UNC13C: variants seen among roughly 807,000 people sequenced by gnomAD.
UNC13C encodes protein unc-13 homolog C.
A neutral mutation model predicts 245.4 loss-of-function variants in UNC13C; 174 were observed. The observed-to-expected ratio is 0.71, with a 90% CI of 0.63 to 0.80. UNC13C has a LOEUF of 0.80. UNC13C is among the 30% of genes least tolerant of loss of function. The probability of loss-of-function intolerance (pLI) is 0.00; values close to 1 mark genes in which losing one functional copy is unlikely to be tolerated. For synonymous variants in UNC13C, 992 were observed against 895.1 expected (o/e 1.11, Z -1.93); for missense variants, 2,829 against 2,602.9 (o/e 1.09, Z -1.89).
intron 2 of UNC13C, among the ~76,000 whole-genome samples, chr15:54,133,379 G>C (rs2031544307): frequency 6.6e-6 from 1 of 152,104 alleles, no homozygotes; most frequent in Non-Finnish European, 1.5e-5. Flanking sequence ...TCACCATGCA[G>C]CATGGTTGAA....
chr15:54,034,035 T>G (rs1896472177), intron 2 of UNC13C, among the ~76,000 whole-genome samples: 1 of 152,236 alleles, frequency 6.6e-6, no homozygotes, highest in African/African-American at 2.4e-5. Flanking sequence ...GCGATTTCTC[T>G]GGCCAATCCA....
chr15:54,408,590 T>C lies in UNC13C; in HGVS notation c.4848-6392T>C, dbSNP rs756263. ...AAATGATATGATTACAAAAATAATC[T>C]TATTCAGCTTCACAGGCTGTATGAA... is the stretch of plus-strand genomic sequence containing the variant. On this transcript the variant is annotated intron_variant, in intron 18 of 32. Transcript: ENST00000260323. Among the ~76,000 whole-genome samples, 352 of 152,016 alleles carry C rather than the reference T, an allele frequency of 2.3e-3. 1 individual carries two copies. The highest frequency in any genetic ancestry group is 4.6e-3 in the Admixed American group (71 of 15,280).
chr15:53,986,525 T>C (rs1486030352), intron 1 of UNC13C, among the ~76,000 whole-genome samples: 1 of 152,112 alleles, frequency 6.6e-6, no homozygotes, highest in East Asian at 1.9e-4. Context: ...ATAAGACATT[T>C]CTTAGAATTC....
chr15:53,839,509 A>C, the UNC13C span, among the ~76,000 whole-genome samples: 7 of 152,160 alleles, frequency 4.6e-5, no homozygotes, highest in Non-Finnish European at 7.4e-5. Flanking sequence ...TTTTTAAATA[A>C]AATGTAGCTT....
chr15:53,890,478 T>G, the UNC13C span, among the ~76,000 whole-genome samples: 2 of 152,194 alleles, frequency 1.3e-5, no homozygotes, highest in Admixed American at 6.5e-5. Context: ...AATTTGGCTG[T>G]GAATCCATCT....
At chr15:54,272,904 G>A (rs2036724698) in intron 10 of UNC13C, among the ~76,000 whole-genome samples, 1 of 152,188 alleles carries the variant, frequency 6.6e-6, no homozygotes, top group Non-Finnish European at 1.5e-5. Flanking sequence ...CAGTAAACTA[G>A]AAAATATCAA....
chr15:54,273,768 A>G (rs945311418), intron 10 of UNC13C, among the ~76,000 whole-genome samples: 8 of 152,124 alleles, frequency 5.3e-5, no homozygotes, highest in Admixed American at 2.0e-4. Flanking sequence ...TAAAATGCCA[A>G]TCTATCTCTA....
chr15:54,457,892 G>GTTTTTTTTTTTTTTTTT, intron 19 of UNC13C, among the ~76,000 whole-genome samples: 1 of 122,990 alleles, frequency 8.1e-6, no homozygotes, highest in African/African-American at 3.1e-5. Context: ...TCTGCTTTTC[G>GTTTTTTTTTTTTTTTTT]TTTTTTTTTT....
intron 19 of UNC13C, among the ~76,000 whole-genome samples, chr15:54,439,756 C>CA (rs1339543362): frequency 1.3e-5 from 2 of 151,922 alleles, no homozygotes; most frequent in African/African-American, 4.8e-5. Flanking sequence ...TCCATCACCT[C>CA]AAATATTTAT....
chr15:54,050,172 A>C, intron 2 of UNC13C: 1 of 463,944 alleles, frequency 2.2e-6, no homozygotes. Flanking sequence ...GGGTTTCACC[A>C]TGTTGGCCAG....
intron 1 of UNC13C, among the ~76,000 whole-genome samples, chr15:53,994,153 A>G (rs1017926343): frequency 6.8e-5 from 10 of 146,592 alleles, no homozygotes; most frequent in Non-Finnish European, 7.5e-5. Context: ...TTTTAAACAG[A>G]AGAGACGTTA....
At chr15:53,928,640 G>A in the UNC13C span, among the ~76,000 whole-genome samples, 9 of 152,174 alleles carry the variant, frequency 5.9e-5, no homozygotes, top group Non-Finnish European at 1.2e-4. Flanking sequence ...ATTTGAATAT[G>A]TCTACTTTGA....
intron 17 of UNC13C, among the ~76,000 whole-genome samples, chr15:54,346,320 T>C (rs1396251470): frequency 6.6e-6 from 1 of 152,228 alleles, no homozygotes; most frequent in Non-Finnish European, 1.5e-5. Context: ...AGGAACATAA[T>C]CTCTGATATT....
chr15:53,917,751 A>C, the UNC13C span, among the ~76,000 whole-genome samples: 3 of 152,206 alleles, frequency 2.0e-5, no homozygotes, highest in Admixed American at 2.0e-4. Flanking sequence ...GGAATGTTCA[A>C]AGTAAAACCA....
intron 2 of UNC13C, among the ~76,000 whole-genome samples, chr15:54,026,440 C>T (rs1391728502): frequency 6.6e-6 from 1 of 152,166 alleles, no homozygotes; most frequent in African/African-American, 2.4e-5. Flanking sequence ...GTTAGAACAC[C>T]TGGCCTGTAA....
chr15:54,127,123 C>T (rs777597152), intron 2 of UNC13C, among the ~76,000 whole-genome samples: 3 of 152,082 alleles, frequency 2.0e-5, no homozygotes, highest in Non-Finnish European at 4.4e-5. Context: ...TAAATTAATT[C>T]GGTCATTGTG....
intron 30 of UNC13C, among the ~76,000 whole-genome samples, chr15:54,579,637 C>G (rs1046750056): frequency 6.6e-6 from 1 of 152,084 alleles, no homozygotes; most frequent in Non-Finnish European, 1.5e-5. Context: ...CACGCACCTG[C>G]AGTCCCAGCT....
In UNC13C at chr15:54,444,282, T is replaced by C. The variant is rs962680147; in HGVS notation, c.4933+29215T>C. On this transcript the variant is annotated intron_variant, in intron 19 of 32. Coordinates refer to ENST00000260323, the MANE Select transcript of UNC13C (RefSeq NM_001080534.3). ...TTCATTCCCTTACTTTTGATAAATG[T>C]ATATATATACACAAATATATGTCAT... is the stretch of plus-strand genomic sequence containing the variant. Among the ~76,000 whole-genome samples, 4 of 151,190 alleles carry C rather than the reference T, an allele frequency of 2.6e-5. No individual in the cohort carries two copies. In the Admixed American group the frequency reaches 2.6e-4, roughly 10 times the overall value.
At chr15:54,221,745 G>C (rs1385204168) in intron 4 of UNC13C, among the ~76,000 whole-genome samples, 2 of 151,938 alleles carry the variant, frequency 1.3e-5, no homozygotes. Flanking sequence ...CATTTTCTCA[G>C]ACCCACAGTC....
Sources: allele counts gnomAD v4.1 joint callset (sites outside exome capture counted in the v4.1 genomes callset), GRCh38; gene constraint gnomAD v4.1.1; transcripts MANE v1.5; gene names NCBI Gene and HGNC (gene_info 2026-07-23, HGNC 2026-07-21).